HELZ: variants seen among roughly 807,000 people sequenced by gnomAD.
HELZ encodes ATP-dependent RNA helicase with zinc finger domain.
In HELZ, 23 loss-of-function variants were observed where a neutral mutation model predicts 218.2. The ratio of observed to expected loss-of-function variants is 0.11; its 90% CI spans 0.08 to 0.15. The LOEUF is 0.15. HELZ is among the 10% of genes least tolerant of loss of function. The pLI is 1.00. For missense variants in HELZ, 1,813 were observed against 2,353.7 expected, an observed-to-expected ratio of 0.77 and a Z score of 4.75; for synonymous variants, 814 against 829.4, an observed-to-expected ratio of 0.98 and a Z score of 0.32.
At chr17:67,245,367 A>T, upstream of HELZ, 2 of 722,808 alleles carry the variant, frequency 2.8e-6, no homozygotes, top group Non-Finnish European at 3.4e-6. Flanking sequence ...CCCCGGGCTG[A>T]CGGCATTGAA....
At chr17:67,112,862 T>C (rs2037321669) in intron 28 of HELZ, among the ~76,000 whole-genome samples, 1 of 152,132 alleles carries the variant, frequency 6.6e-6, no homozygotes, top group African/African-American at 2.4e-5. Flanking sequence ...GGAGGTCATG[T>C]TAGAGAGATT....
chr17:67,228,638 G>C (rs1452987725), intron 3 of HELZ, among the ~76,000 whole-genome samples: 1 of 150,766 alleles, frequency 6.6e-6, no homozygotes, highest in Non-Finnish European at 1.5e-5. Context: ...CTCCAGCCAG[G>C]ATGACAGAGG....
At chr17:67,175,197 G>A (rs1398940985) in intron 13 of HELZ, among the ~76,000 whole-genome samples, 3 of 152,176 alleles carry the variant, frequency 2.0e-5, no homozygotes, top group East Asian at 1.9e-4. Flanking sequence ...AACTGTTTCC[G>A]TATAGCCCTT....
Position 67,226,033 on chromosome 17 carries a change from G to A in HELZ, c.-18-7211C>T, listed in dbSNP as rs572104355. Among the ~76,000 whole-genome samples, 130 of 151,938 alleles carry A rather than the reference G, an allele frequency of 8.6e-4. 3 individuals are homozygous for A. The highest frequency in any genetic ancestry group is 7.9e-4 in the Non-Finnish European group (54 of 67,970). Reference sequence around the variant, plus strand: ...TCCCAGCACTTTGGGAGGCTGAGGCGAGTGAATCACAAGGTCAAGCGATCA... The same window carrying A: ...TCCCAGCACTTTGGGAGGCTGAGGCAAGTGAATCACAAGGTCAAGCGATCA... On this transcript the variant is annotated intron_variant, in intron 3 of 32. Coordinates refer to ENST00000358691, the MANE Select transcript of HELZ (RefSeq NM_014877.4).
rs182868972 is a variant in HELZ at position 67,109,255 on chromosome 17, C to T, written c.4350G>A (p.Pro1450=). ...GCAGCATGGGAGGGGGCTGCTGCTC[C>T]GGAATTACAGCTTCTGCAGGAGGAG... ...PQSPPAEAVI[P]EQQPPPMLQE... Residue 1450 remains proline (P), a synonymous_variant, in exon 29 of 33, where the codon CCG becomes CCA. Transcript: ENST00000358691. 5.0e-5 allele frequency: 81 copies of T among 1,614,086 alleles called. No individual in the cohort carries two copies. The East Asian group carries it at 5.1e-4, about 10-fold the overall frequency.
intron 15 of HELZ, among the ~76,000 whole-genome samples, chr17:67,163,630 C>T (rs2039054614): frequency 6.6e-6 from 1 of 152,096 alleles, no homozygotes; most frequent in African/African-American, 2.4e-5. Context: ...TCTCGATCTC[C>T]TGACCTCGTG....
In HELZ at chr17:67,074,364, C is replaced by T. The variant is rs530523228; in HGVS notation, c.*3888G>A. 1.4e-4 allele frequency: 22 copies of T among 152,116 alleles called. No individual in the cohort carries two copies. Among genetic ancestry groups the T allele is most frequent in the African/African-American group, 5.1e-4 (21 of 41,518 alleles). The allele number at this position is 152,116 out of a possible 1,614,324, so 9.4% of individuals were successfully genotyped here. Reference sequence around the variant, plus strand: ...TTTTATAGATTCTTTCTGGGATTCCCTTTTTAAAAATAACTCCACTATAAA... The same window carrying T: ...TTTTATAGATTCTTTCTGGGATTCCTTTTTTAAAAATAACTCCACTATAAA... On this transcript the variant is annotated 3_prime_UTR_variant, in exon 33 of 33. Transcript: ENST00000358691.
chr17:67,134,156 G>C (rs1181449593), intron 23 of HELZ, among the ~76,000 whole-genome samples: 1 of 152,188 alleles, frequency 6.6e-6, no homozygotes, highest in Non-Finnish European at 1.5e-5. Flanking sequence ...AGCTGAGGCA[G>C]GCAGATTACC....
rs568342779 is a variant in HELZ, at chr17:67,218,100, A to G, written c.210+495T>C. ...TAGGCACGCGCTACCACGCCTGGCT[A>G]ATTTTTGTATTTTTAGTAGAGACAG... On this transcript the variant is annotated intron_variant, in intron 4 of 32. Coordinates refer to ENST00000358691, the MANE Select transcript of HELZ (RefSeq NM_014877.4). 5.9e-5 allele frequency among the ~76,000 whole-genome samples: 9 copies of G among 151,756 alleles called. No homozygotes were observed. In the South Asian group the frequency reaches 1.9e-3, roughly 32 times the overall value.
rs1252021170 is a variant in HELZ, at chr17:67,151,223, C to A, written c.2179G>T (p.Val727Leu). The A allele has an allele frequency of 6.3e-7, 1 of 1,597,618 alleles. No homozygotes were observed. Among genetic ancestry groups the A allele is most frequent in the Non-Finnish European group, 8.6e-7 (1 of 1,169,580 alleles). ...AGNPQARPLR[V>L]YFRNRWVKTV... ...TTTACCCAGCGATTTCTGAAATATA[C>A]CCTGGAAAAGAAGAAAATATTTCTG... Residue 727 changes from valine (V) to leucine (L), a missense_variant and splice_region_variant, in exon 18 of 33, where the codon GTA (valine) becomes TTA (leucine). This residue lies in a region of HELZ where 714 missense variants were observed against 1,029.2 expected (regional missense o/e 0.69). Coordinates refer to ENST00000358691, the MANE Select transcript of HELZ (RefSeq NM_014877.4).
chr17:67,100,755 T>C (rs1172776762), intron 31 of HELZ, among the ~76,000 whole-genome samples: 2 of 151,948 alleles, frequency 1.3e-5, no homozygotes, highest in African/African-American at 2.4e-5. Context: ...TAAATGAAGA[T>C]GCTACAGATT....
intron 14 of HELZ, 152 bp from the exon 15 acceptor site, chr17:67,166,760 T>C (rs1419196871): frequency 1.6e-6 from 1 of 630,252 alleles, no homozygotes; most frequent in Non-Finnish European, 2.7e-6. Flanking sequence ...TTATGATGAA[T>C]AATATTTGCT....
At position 67,108,763 on chromosome 17, in the gene HELZ, G is replaced by A. The variant is rs759132033; in HGVS notation, c.4490-37C>T. The A allele has an allele frequency of 1.4e-6, 2 of 1,445,758 alleles. No individual in the cohort carries two copies. The highest frequency in any genetic ancestry group is 1.3e-5 in the South Asian group (1 of 74,642). The allele number at this position is 1,445,758 out of a possible 1,614,324, so 89.6% of individuals were successfully genotyped here. On this transcript the variant is annotated intron_variant, in intron 29 of 32. Transcript: ENST00000358691. This position sits in a 1 kb window ranked among gnomAD's most constrained non-coding sequence, Gnocchi z 4.1. ...TTTGTGAAAAATTTTTTATGAATTTGGGGTTTCAAGTTCATTATTTAAAGT... is the reference window on the plus strand; with the variant it reads ...TTTGTGAAAAATTTTTTATGAATTTAGGGTTTCAAGTTCATTATTTAAAGT...
chr17:67,215,903 T>C lies in HELZ; in HGVS notation c.243A>G (p.Arg81=). The C allele has an allele frequency of 2.6e-6, 4 of 1,554,624 alleles. No homozygotes were observed. The highest frequency in any genetic ancestry group is 3.5e-6 in the Non-Finnish European group (4 of 1,128,994). ...KNYVQADEDC[R]HVLGEGLAKG... The stretch of plus-strand genomic sequence containing the variant: ...GAGTCTCATTTTTAAACATACCATG[T>C]CTACAATCTTCATCAGCTTGCACAT... Residue 81 remains arginine (R), a synonymous_variant, in exon 5 of 33, where the codon AGA becomes AGG. Transcript: ENST00000358691.
chr17:67,143,374 G>A (rs1382108454), intron 21 of HELZ, among the ~76,000 whole-genome samples: 2 of 152,074 alleles, frequency 1.3e-5, no homozygotes, highest in African/African-American at 2.4e-5. Context: ...TTGGGAAGCC[G>A]AGGTGAGAGG....
chr17:67,127,874 G>A (rs974307595), intron 24 of HELZ, among the ~76,000 whole-genome samples: 1 of 151,722 alleles, frequency 6.6e-6, no homozygotes, highest in African/African-American at 2.4e-5. Flanking sequence ...TTTTTTAAAG[G>A]AAGTGCAAAA....
At chr17:67,091,409 A>G (rs527808869) in intron 31 of HELZ, among the ~76,000 whole-genome samples, 12 of 152,298 alleles carry the variant, frequency 7.9e-5, no homozygotes, top group African/African-American at 2.9e-4. Context: ...GTAGTAATTA[A>G]ATATTCAATG....
intron 31 of HELZ, 46 bp from the exon 32 acceptor site, chr17:67,087,127 C>T (rs1223202892): frequency 6.3e-7 from 1 of 1,584,234 alleles, no homozygotes; most frequent in Non-Finnish European, 8.7e-7. Flanking sequence ...CACCTTGTGC[C>T]ATAGTCCTCT....
chr17:67,183,242 G>A (rs2039661369), intron 12 of HELZ, among the ~76,000 whole-genome samples: 1 of 152,088 alleles, frequency 6.6e-6, no homozygotes, highest in Non-Finnish European at 1.5e-5. Context: ...CACCCAAACT[G>A]CCACATGGAA....
Sources: allele counts gnomAD v4.1 joint callset (sites outside exome capture counted in the v4.1 genomes callset), GRCh38; gene constraint gnomAD v4.1.1; regional missense constraint gnomAD v4.1.1; non-coding constraint Gnocchi (gnomAD v3.1); transcripts MANE v1.5; gene names NCBI Gene and HGNC (gene_info 2026-07-23, HGNC 2026-07-21).